SORCS1: variants seen among roughly 807,000 people sequenced by gnomAD.
SORCS1 encodes the protein VPS10 domain-containing receptor SorCS1.
SORCS1 carries 60 observed loss-of-function variants against 146.1 expected under a neutral mutation model. That is an observed-to-expected ratio of 0.41 (90% CI 0.33 to 0.51). The LOEUF (loss-of-function observed/expected upper bound fraction) is 0.51. Among genes scored for constraint, SORCS1 ranks in the 20% least tolerant of loss-of-function variants. The pLI, the probability that SORCS1 is intolerant of heterozygous loss-of-function variation, is 0.21. For missense variants in SORCS1, 1,352 were observed against 1,487.6 expected (o/e 0.91, Z 1.50); for synonymous variants, 637 against 584.0 (o/e 1.09, Z -1.31).
intron 1 of SORCS1, among the ~76,000 whole-genome samples, chr10:107,150,238 T>C (rs978619098): frequency 1.3e-5 from 2 of 152,214 alleles, no homozygotes; most frequent in Admixed American, 6.5e-5. Context: ...ATTTTTATTA[T>C]TAAAGAAACG....
rs556343624 is a variant in SORCS1 at position 107,144,780 on chromosome 10, T to C, written c.558+19189A>G. Among the ~76,000 whole-genome samples the C allele has an allele frequency of 8.1e-4, 123 of 152,316 alleles. 1 individual carries two copies. In the South Asian group the frequency reaches 0.024, roughly 29 times the overall value. ...GCACAGCTTTGCTAGAACCTATCAA[T>C]ATAAGAGTGGTCACAATTTTGAGAA... On this transcript the variant is annotated intron_variant, in intron 1 of 25. Transcript: ENST00000263054.
chr10:106,751,744 G>T (rs1858258364), intron 5 of SORCS1, among the ~76,000 whole-genome samples: 1 of 152,134 alleles, frequency 6.6e-6, no homozygotes, highest in Admixed American at 6.5e-5. Flanking sequence ...AACTAATGAG[G>T]TCTACTCAAG....
chr10:107,095,985 C>T (rs1297846991), intron 1 of SORCS1, among the ~76,000 whole-genome samples: 1 of 152,072 alleles, frequency 6.6e-6, no homozygotes, highest in African/African-American at 2.4e-5. Context: ...ATACACTTTA[C>T]AACTTATCCA....
intron 1 of SORCS1, among the ~76,000 whole-genome samples, chr10:107,057,872 T>G (rs1056334162): frequency 6.6e-5 from 10 of 152,252 alleles, no homozygotes; most frequent in African/African-American, 2.2e-4. Context: ...CAGTGGCTAC[T>G]CACAGGCATG....
intron 3 of SORCS1, among the ~76,000 whole-genome samples, chr10:106,776,916 C>T (rs889840600): frequency 3.9e-5 from 6 of 152,094 alleles, no homozygotes; most frequent in Admixed American, 2.0e-4. Context: ...GCTGGAAGAA[C>T]GAGGGATGAA....
intron 1 of SORCS1, among the ~76,000 whole-genome samples, chr10:106,972,328 C>T (rs1328596999): frequency 1.3e-5 from 2 of 148,412 alleles, no homozygotes; most frequent in East Asian, 4.0e-4. Flanking sequence ...TTGCAGTGAG[C>T]TGTGATCGCA....
intron 1 of SORCS1, among the ~76,000 whole-genome samples, chr10:106,984,817 T>C (rs1956395190): frequency 7.2e-6 from 1 of 138,552 alleles, no homozygotes; most frequent in South Asian, 2.1e-4. Flanking sequence ...ATTTCAATCC[T>C]GAAACCTCAT....
chr10:106,598,074 G>A (rs868139809), intron 23 of SORCS1, among the ~76,000 whole-genome samples: 11 of 152,068 alleles, frequency 7.2e-5, no homozygotes, highest in Middle Eastern at 6.8e-3. Context: ...CCCCAAGCAC[G>A]GGGCAAATAA....
rs575431793 is a variant in SORCS1, at chr10:106,706,594, C to T, written c.1184G>A (p.Arg395Gln). 61 of 1,614,110 alleles carry T rather than the reference C, an allele frequency of 3.8e-5. No homozygotes were observed. The highest frequency in any genetic ancestry group is 4.7e-5 in the Non-Finnish European group (55 of 1,179,996). Residue 395 changes from arginine to glutamine, a missense_variant, in exon 8 of 26, where the codon CGA (arginine) becomes CAA (glutamine). Coordinates refer to ENST00000263054, the MANE Select transcript of SORCS1 (RefSeq NM_052918.5). ...GGRPHYYVSYRRNAFAQMKLP... is the reference protein window; with the variant it reads ...GGRPHYYVSYQRNAFAQMKLP... ...CTTCATTTGGGCAAATGCATTCCTT[C>T]GGTAGGACACGTAGTAATGTGGCCG...
intron 24 of SORCS1, among the ~76,000 whole-genome samples, chr10:106,592,342 G>A (rs1845651123): frequency 6.6e-6 from 1 of 152,182 alleles, no homozygotes. Context: ...TGGGTGGGGG[G>A]CAGACACCAT....
intron 3 of SORCS1, among the ~76,000 whole-genome samples, chr10:106,783,567 G>GA (rs1179355522): frequency 2.6e-5 from 4 of 151,904 alleles, no homozygotes; most frequent in South Asian, 2.1e-4. Flanking sequence ...TTGCCTAGAT[G>GA]AAAAAAAAGA....
At chr10:106,810,731 G>GA (rs1256867384) in intron 3 of SORCS1, among the ~76,000 whole-genome samples, 1 of 152,126 alleles carries the variant, frequency 6.6e-6, no homozygotes, top group African/African-American at 2.4e-5. Flanking sequence ...GAGCAGAGGG[G>GA]AAAGTGCTAC....
At chr10:106,806,384 A>AAAAATAAAAT (rs201338721) in intron 3 of SORCS1, among the ~76,000 whole-genome samples, 5,781 of 139,658 alleles carry the variant, frequency 0.041, 148 homozygotes, top group Non-Finnish European at 0.054. Context: ...AAAATAAAAT[A>AAAAATAAAAT]AAAATAAAAT....
At chr10:106,588,098 A>G (rs1321278263) in intron 24 of SORCS1, among the ~76,000 whole-genome samples, 2 of 152,220 alleles carry the variant, frequency 1.3e-5, no homozygotes, top group Non-Finnish European at 2.9e-5. Context: ...TTTAACTCTC[A>G]TAAAACTCAA....
At chr10:107,159,027 T>C (rs550422234) in intron 1 of SORCS1, among the ~76,000 whole-genome samples, 2 of 151,366 alleles carry the variant, frequency 1.3e-5, no homozygotes, top group African/African-American at 4.9e-5. Context: ...GGAAGGGGGG[T>C]CCAAAGTTAG....
intron 4 of SORCS1, among the ~76,000 whole-genome samples, chr10:106,769,214 G>A (rs576487279): frequency 1.3e-5 from 2 of 152,240 alleles, no homozygotes; most frequent in African/African-American, 2.4e-5. Flanking sequence ...GGCTGGGAGC[G>A]GTGGCTCACG....
chr10:106,827,292 A>C (rs118107781), intron 3 of SORCS1, among the ~76,000 whole-genome samples: 5,412 of 150,630 alleles, frequency 0.036, 148 homozygotes, highest in Non-Finnish European at 0.058. Flanking sequence ...TCTTCCAGGC[A>C]TAAATGTCTT....
intron 17 of SORCS1, among the ~76,000 whole-genome samples, chr10:106,661,576 A>G (rs1385542492): frequency 5.3e-5 from 8 of 152,210 alleles, no homozygotes; most frequent in Admixed American, 2.6e-4. Flanking sequence ...ACTATTGGTG[A>G]TGACACACAT....
At chr10:107,170,269 C>T in the SORCS1 span, among the ~76,000 whole-genome samples, 1 of 152,144 alleles carries the variant, frequency 6.6e-6, no homozygotes, top group Non-Finnish European at 1.5e-5. Flanking sequence ...AACATGTTTT[C>T]TGGTCCAACT....
Sources: allele counts gnomAD v4.1 joint callset (sites outside exome capture counted in the v4.1 genomes callset), GRCh38; gene constraint gnomAD v4.1.1; transcripts MANE v1.5; gene names NCBI Gene and HGNC (gene_info 2026-07-23, HGNC 2026-07-21).